Variants in KANSL1 observed in about 807,000 individuals in gnomAD.
The protein encoded by KANSL1 is MLL1/MLL complex subunit KANSL1.
Under a neutral mutation model 103.6 loss-of-function variants are expected in KANSL1, and 22 were observed. The ratio of observed to expected loss-of-function variants is 0.21; its 90% confidence interval spans 0.15 to 0.30. The LOEUF is 0.30. Ranked by LOEUF, KANSL1 falls within the 10% of genes least tolerant of loss-of-function variation. The probability of loss-of-function intolerance (pLI) is 1.00; values close to 1 mark genes in which losing one functional copy is unlikely to be tolerated. For synonymous variants in KANSL1, 600 were observed against 527.6 expected (o/e 1.14, Z -1.88); for missense variants, 1,337 against 1,399.8 (o/e 0.96, Z 0.72).
chr17:46,171,666 T>C lies in KANSL1; in HGVS notation c.478A>G (p.Lys160Glu). Residue 160 changes from lysine to glutamate, a missense_variant, in exon 2 of 15, where the codon AAA becomes GAA. By Grantham distance (56) the Lys-to-Glu change is moderately conservative. Around this residue, in one of 2 missense-constraint regions of KANSL1, gnomAD observed 557 missense variants for 476.4 expected, o/e 1.17. Transcript: ENST00000432791. Reference sequence around the variant, plus strand: ...GAATGTGTTGAACTTTTAGTCAATTTCTTAGCCAACCCATTTACAGGTGCT... The same window carrying C: ...GAATGTGTTGAACTTTTAGTCAATTCCTTAGCCAACCCATTTACAGGTGCT... ...PQAPVNGLAK[K>E]LTKSSTHSDH... The C allele has an allele frequency of 6.4e-7, 1 of 1,552,364 alleles. No homozygotes were observed. Among genetic ancestry groups the C allele is most frequent in the Non-Finnish European group, 8.7e-7 (1 of 1,153,812 alleles).
At chr17:46,055,862 A>C (rs1392659633) in intron 6 of KANSL1, among the ~76,000 whole-genome samples, 1 of 152,232 alleles carries the variant, frequency 6.6e-6, no homozygotes, top group African/African-American at 2.4e-5. Context: ...AATACTTTTA[A>C]ATCAGTTTAA....
chr17:46,079,431 A>G (rs1309531495), intron 4 of KANSL1, among the ~76,000 whole-genome samples: 2 of 152,208 alleles, frequency 1.3e-5, no homozygotes, highest in East Asian at 3.9e-4. Context: ...CCTACTATCT[A>G]TAATTGATTA....
chr17:46,148,483 G>A (rs944096732), intron 2 of KANSL1, among the ~76,000 whole-genome samples: 2 of 152,116 alleles, frequency 1.3e-5, no homozygotes, highest in Non-Finnish European at 2.9e-5. Context: ...CAAGATCAGC[G>A]CTCTGAACTA....
intron 3 of KANSL1, chr17:46,093,531 C>A (rs2079498510): frequency 6.6e-6 from 1 of 152,544 alleles, no homozygotes; most frequent in African/African-American, 2.4e-5. Flanking sequence ...AGCTATAAGT[C>A]CGCAGTGACA....
At chr17:46,062,795 ATC>A (rs1452724183) in intron 6 of KANSL1, among the ~76,000 whole-genome samples, 2 of 150,992 alleles carry the variant, frequency 1.3e-5, no homozygotes, top group Non-Finnish European at 1.5e-5. Context: ...CACGCCTGTA[ATC>A]CCAGCACTTT....
At chr17:46,131,505 C>T (rs535279766) in intron 2 of KANSL1, among the ~76,000 whole-genome samples, 2 of 152,312 alleles carry the variant, frequency 1.3e-5, no homozygotes, top group South Asian at 4.1e-4. Context: ...ATAACTGGTA[C>T]ACCCTATGCC....
intron 6 of KANSL1, among the ~76,000 whole-genome samples, chr17:46,060,507 TGA>T: frequency 6.6e-6 from 1 of 152,360 alleles, no homozygotes; most frequent in South Asian, 2.1e-4. Flanking sequence ...GAGTGATTTC[TGA>T]GTATTCTTTT....
intron 2 of KANSL1, among the ~76,000 whole-genome samples, chr17:46,096,675 G>C (rs2146968569): frequency 6.6e-6 from 1 of 151,130 alleles, no homozygotes; most frequent in South Asian, 2.1e-4. Context: ...CTGGAGTCCA[G>C]TGGCATGATC....
intron 7 of KANSL1, among the ~76,000 whole-genome samples, chr17:46,049,240 CTTTTTTTTTTTTTTT>C (rs34418861): frequency 2.6e-5 from 2 of 75,768 alleles, no homozygotes; most frequent in East Asian, 4.0e-4. Context: ...CATCCAAGAC[CTTTTTTTTTTTTTTT>C]TTTTTTTTTT....
At chr17:46,076,822 G>A (rs973070852) in intron 4 of KANSL1, among the ~76,000 whole-genome samples, 9 of 151,948 alleles carry the variant, frequency 5.9e-5, no homozygotes, top group Non-Finnish European at 1.0e-4. Context: ...CTGTTTCTCC[G>A]GGTTATTTTT....
At chr17:46,133,434 G>GA (rs1336095001) in intron 2 of KANSL1, among the ~76,000 whole-genome samples, 1 of 152,006 alleles carries the variant, frequency 6.6e-6, no homozygotes, top group Non-Finnish European at 1.5e-5. Flanking sequence ...AACTAGAAAG[G>GA]AAAAAATGAC....
chr17:46,064,053 T>TAAAAAAAAAAAAAAA (rs58111244), intron 6 of KANSL1, among the ~76,000 whole-genome samples: 3 of 105,756 alleles, frequency 2.8e-5, no homozygotes, highest in Non-Finnish European at 3.8e-5. Flanking sequence ...CGACTATTAG[T>TAAAAAAAAAAAAAAA]AAAAAAAAAA....
At chr17:46,177,511 T>C (rs1466377206) in intron 1 of KANSL1, among the ~76,000 whole-genome samples, 4 of 152,352 alleles carry the variant, frequency 2.6e-5, no homozygotes, top group Non-Finnish European at 5.9e-5. Context: ...TGTGCAACCC[T>C]AAGTGTGGCA....
At chr17:46,148,591 T>C in intron 2 of KANSL1, among the ~76,000 whole-genome samples, 1 of 103,906 alleles carries the variant, frequency 9.6e-6, no homozygotes, top group Non-Finnish European at 2.5e-5. Context: ...TTCACTTACC[T>C]TTTTTTTTTT....
At chr17:46,068,336 G>C (rs1424724661) in intron 4 of KANSL1, among the ~76,000 whole-genome samples, 5 of 152,088 alleles carry the variant, frequency 3.3e-5, no homozygotes, top group Non-Finnish European at 5.9e-5. Context: ...GGCAAAGGTA[G>C]GAGGATCTCT....
intron 2 of KANSL1, among the ~76,000 whole-genome samples, chr17:46,134,885 T>C (rs548502761): frequency 4.0e-5 from 6 of 151,752 alleles, no homozygotes; most frequent in African/African-American, 1.2e-4. Context: ...AGAATAGAGA[T>C]AGGAAAGAGG....
chr17:46,180,115 T>A (rs927001449), intron 1 of KANSL1, among the ~76,000 whole-genome samples: 2 of 151,512 alleles, frequency 1.3e-5, no homozygotes, highest in Non-Finnish European at 2.9e-5. Flanking sequence ...CATATTTTAA[T>A]AGAGGAAATA....
At chr17:46,138,954 AC>A (rs1210521943) in intron 2 of KANSL1, among the ~76,000 whole-genome samples, 1 of 152,160 alleles carries the variant, frequency 6.6e-6, no homozygotes, top group African/African-American at 2.4e-5. Flanking sequence ...TCACTCAACT[AC>A]CCCCAGTGGC....
At position 46,034,132 on chromosome 17, in the gene KANSL1, G is replaced by T. The variant is rs138919178; in HGVS notation, c.2666+29C>A. 6.3e-5 allele frequency: 101 copies of T among 1,611,666 alleles called. 1 individual carries two copies. In the African/African-American group the frequency reaches 1.3e-3, roughly 20 times the overall value. On this transcript the variant is annotated intron_variant, in intron 11 of 14. Coordinates refer to ENST00000432791, the MANE Select transcript of KANSL1 (RefSeq NM_015443.4). ...AAAGGGCAATAGCAGGAAGAATGGGGAGAGGAGCCAACTATTCTGAGCTTC... is the reference window on the plus strand; with the variant it reads ...AAAGGGCAATAGCAGGAAGAATGGGTAGAGGAGCCAACTATTCTGAGCTTC...
Sources: gnomAD v4.1 joint callset for allele counts (sites outside exome capture counted in the v4.1 genomes callset) on GRCh38, gnomAD v4.1.1 for gene constraint, gnomAD v4.1.1 regional missense constraint, MANE v1.5 for transcripts, NCBI Gene and HGNC (gene_info 2026-07-23, HGNC 2026-07-21) for gene names.